Variants in LCMT1 observed in about 807,000 individuals in gnomAD.
LCMT1 encodes the protein leucine carboxyl methyltransferase 1.
A neutral mutation model predicts 47.7 loss-of-function variants in LCMT1; 32 were observed. The observed-to-expected ratio is 0.67, with a 90% CI of 0.51 to 0.90. The LOEUF is 0.90. Ranked by LOEUF, LCMT1 falls within the 40% of genes least tolerant of loss-of-function variation. The pLI, the probability that LCMT1 is intolerant of heterozygous loss-of-function variation, is 0.00. For synonymous variants in LCMT1, 152 were observed against 149.7 expected (o/e 1.02, Z -0.11); for missense variants, 375 against 415.2 (o/e 0.90, Z 0.84).
chr16:25,137,036 T>G (rs1960524652), intron 3 of LCMT1, among the ~76,000 whole-genome samples: 1 of 152,220 alleles, frequency 6.6e-6, no homozygotes, highest in African/African-American at 2.4e-5. Context: ...GAATTTTAGG[T>G]GATCCTTAAC....
Position 25,140,157 on chromosome 16 carries a change from G to A in LCMT1, c.328-14G>A, listed in dbSNP as rs768281094. ...AGAGTAAAGAAATAAAAAGTATTGTGTGTTTTTCCCCAGGATGAAGATCTT... is the reference window on the plus strand; with the variant it reads ...AGAGTAAAGAAATAAAAAGTATTGTATGTTTTTCCCCAGGATGAAGATCTT... On this transcript the variant is annotated splice_polypyrimidine_tract_variant and intron_variant, in intron 3 of 10. Coordinates refer to ENST00000399069, the MANE Select transcript of LCMT1 (RefSeq NM_016309.3). 6.3e-6 allele frequency: 10 copies of A among 1,587,344 alleles called. No individual in the cohort carries two copies. The highest frequency in any genetic ancestry group is 7.8e-6 in the Non-Finnish European group (9 of 1,159,864).
chr16:25,171,854 CATAG>C (rs1235984905), intron 9 of LCMT1, among the ~76,000 whole-genome samples: 2 of 152,158 alleles, frequency 1.3e-5, no homozygotes, highest in East Asian at 1.9e-4. Context: ...TCTTTTCCTA[CATAG>C]ATAGATAAAT....
At chr16:25,160,815 A>G (rs1457024555) in intron 5 of LCMT1, 1 of 579,042 alleles carries the variant, frequency 1.7e-6, no homozygotes, top group Admixed American at 1.9e-5. Flanking sequence ...TCTTTTCTCT[A>G]TTCAGGATGT....
At chr16:25,173,295 G>A (rs1350560470) in intron 9 of LCMT1, among the ~76,000 whole-genome samples, 1 of 152,132 alleles carries the variant, frequency 6.6e-6, no homozygotes, top group East Asian at 1.9e-4. Context: ...AGTGTCTCCT[G>A]ATAGCTGTTC....
intron 1 of LCMT1, 133 bp downstream of exon 1, chr16:25,112,129 C>T (rs1183439518): frequency 2.8e-6 from 2 of 711,934 alleles, no homozygotes; most frequent in South Asian, 1.5e-5. Context: ...TCGCTTCCCA[C>T]CTGTGAAGTG....
intron 7 of LCMT1, among the ~76,000 whole-genome samples, chr16:25,165,996 G>A (rs1041614937): frequency 2.0e-5 from 3 of 152,052 alleles, no homozygotes; most frequent in East Asian, 1.9e-4. Flanking sequence ...GGGTGGGTGC[G>A]GTGGCTCACG....
intron 4 of LCMT1, among the ~76,000 whole-genome samples, chr16:25,148,399 G>A (rs1960943080): frequency 6.6e-6 from 1 of 152,166 alleles, no homozygotes; most frequent in African/African-American, 2.4e-5. Context: ...CTCAAACACT[G>A]AACAGACAGA....
chr16:25,151,189 T>C (rs1961071351), intron 4 of LCMT1, among the ~76,000 whole-genome samples: 1 of 152,226 alleles, frequency 6.6e-6, no homozygotes, highest in African/African-American at 2.4e-5. Context: ...TGATTGAGAA[T>C]AGGCAGCAAA....
chr16:25,141,109 GA>G (rs1273959202), intron 4 of LCMT1: 2 of 152,146 alleles, frequency 1.3e-5, no homozygotes, highest in Non-Finnish European at 2.9e-5. Flanking sequence ...TTATGGGTTG[GA>G]ATTCTTGGGC....
intron 5 of LCMT1, among the ~76,000 whole-genome samples, chr16:25,151,845 G>A (rs1193389805): frequency 6.6e-6 from 1 of 152,120 alleles, no homozygotes; most frequent in African/African-American, 2.4e-5. Context: ...GGGAAGCACA[G>A]CCTCCTGCTA....
intron 5 of LCMT1, among the ~76,000 whole-genome samples, chr16:25,153,999 C>G (rs899185197): frequency 4.6e-5 from 7 of 151,862 alleles, no homozygotes; most frequent in African/African-American, 1.5e-4. Flanking sequence ...AAAATGATGC[C>G]CTATTATTTT....
chr16:25,140,499 C>A (rs1057380746), intron 4 of LCMT1: 2 of 457,566 alleles, frequency 4.4e-6, no homozygotes, highest in African/African-American at 3.9e-5. Flanking sequence ...ACGAGGCCAA[C>A]CAAATCTCCC....
intron 6 of LCMT1, among the ~76,000 whole-genome samples, chr16:25,163,157 C>G (rs1961483108): frequency 1.3e-5 from 2 of 152,210 alleles, no homozygotes; most frequent in Admixed American, 1.3e-4. Flanking sequence ...GCCATTGCAC[C>G]CAGCCAGTTT....
intron 9 of LCMT1, among the ~76,000 whole-genome samples, chr16:25,174,403 C>A (rs1439375996): frequency 6.6e-6 from 1 of 152,036 alleles, no homozygotes; most frequent in Non-Finnish European, 1.5e-5. Flanking sequence ...AAAGTCTGTA[C>A]ATATACAGAC....
intron 1 of LCMT1, among the ~76,000 whole-genome samples, chr16:25,124,927 A>T (rs550087022): frequency 6.6e-6 from 1 of 152,332 alleles, no homozygotes; most frequent in African/African-American, 2.4e-5. Flanking sequence ...AAGTATTTTT[A>T]AAAAGTGAGT....
At position 25,120,739 on chromosome 16, in the gene LCMT1, G is replaced by GT. The variant is rs972134934; in HGVS notation, c.114-7724dup. 7.6e-3 allele frequency among the ~76,000 whole-genome samples: 787 copies of GT among 103,384 alleles called. 9 individuals are homozygous for GT. The highest frequency in any genetic ancestry group is 0.026 in the East Asian group (88 of 3,334). The allele number at this position is 103,384 out of a possible 152,430, so 67.8% of individuals were successfully genotyped here. A position where few individuals can be genotyped will look rare whatever the true frequency, so the allele number is the denominator to read the frequency against. On this transcript the variant is annotated intron_variant, in intron 1 of 10. Coordinates refer to ENST00000399069, the MANE Select transcript of LCMT1 (RefSeq NM_016309.3). ...ACACCGCACCTGGCCTTGTTTTTTT[G>GT]TTTTTTTTTTTTGTTTTTTTTTTTT...
At chr16:25,158,046 A>G (rs1961312228) in intron 5 of LCMT1, among the ~76,000 whole-genome samples, 3 of 152,236 alleles carry the variant, frequency 2.0e-5, no homozygotes, top group Admixed American at 6.5e-5. Flanking sequence ...AACACCCAGA[A>G]TTGCTTCCTG....
At chr16:25,164,042 T>G (rs904219058) in intron 6 of LCMT1, among the ~76,000 whole-genome samples, 2 of 152,168 alleles carry the variant, frequency 1.3e-5, no homozygotes, top group African/African-American at 2.4e-5. Context: ...TGGCTGGCTG[T>G]CAGTTGGGAT....
intron 1 of LCMT1, among the ~76,000 whole-genome samples, chr16:25,115,258 T>G (rs1220700212): frequency 6.6e-6 from 1 of 152,254 alleles, no homozygotes; most frequent in Non-Finnish European, 1.5e-5. Flanking sequence ...AGATGTTCCC[T>G]CTGCTGTTAC....
Sources: allele counts gnomAD v4.1 joint callset (sites outside exome capture counted in the v4.1 genomes callset), GRCh38; gene constraint gnomAD v4.1.1; transcripts MANE v1.5; gene names NCBI Gene and HGNC (gene_info 2026-07-23, HGNC 2026-07-21).